The following LRMDA variants were observed in gnomAD, a reference collection of about 807,000 sequenced individuals.
LRMDA encodes the protein leucine-rich melanocyte differentiation-associated protein.
In LRMDA, 18 loss-of-function variants were observed where a neutral mutation model predicts 29.8. The observed-to-expected ratio is 0.60, with a 90% CI of 0.42 to 0.90. The LOEUF (loss-of-function observed/expected upper bound fraction) is 0.90, where lower values mean the gene tolerates loss of function less well. LRMDA is among the 40% of genes least tolerant of loss of function. LRMDA has a pLI of 0.00. For missense variants in LRMDA, 273 were observed against 273.9 expected (o/e 1.00, Z 0.02); for synonymous variants, 125 against 109.4 (o/e 1.14, Z -0.89).
chr10:75,663,953 G>A (rs1005225905), intron 2 of LRMDA, among the ~76,000 whole-genome samples: 6 of 152,154 alleles, frequency 3.9e-5, no homozygotes, highest in African/African-American at 1.4e-4. Context: ...GGGCCCATGT[G>A]TGTCTTTAAG....
intron 6 of LRMDA, among the ~76,000 whole-genome samples, chr10:76,518,113 A>T (rs1324110533): frequency 6.6e-6 from 1 of 151,942 alleles, no homozygotes; most frequent in Admixed American, 6.6e-5. Context: ...AGATGAAAAA[A>T]TAAATAAACC....
chr10:76,225,696 T>TTTTATTTATTTATTTATTTATTTA (rs141422770), intron 5 of LRMDA, among the ~76,000 whole-genome samples: 12 of 144,990 alleles, frequency 8.3e-5, no homozygotes, highest in African/African-American at 2.5e-4. Flanking sequence ...GGGTAATTTA[T>TTTTATTTATTTATTTATTTATTTA]TTTATTTATT....
chr10:76,019,110 C>T (rs755647655), intron 2 of LRMDA, among the ~76,000 whole-genome samples: 14 of 152,074 alleles, frequency 9.2e-5, no homozygotes, highest in Non-Finnish European at 2.1e-4. Context: ...ATTTAGACAG[C>T]AAATTTTATG....
chr10:76,368,575 G>A (rs1841418898), intron 6 of LRMDA, among the ~76,000 whole-genome samples: 1 of 152,122 alleles, frequency 6.6e-6, no homozygotes, highest in Non-Finnish European at 1.5e-5. Context: ...TGCGTATTGT[G>A]TGGTTGTTGG....
chr10:75,781,646 C>A (rs2132243272), intron 2 of LRMDA, among the ~76,000 whole-genome samples: 1 of 152,074 alleles, frequency 6.6e-6, no homozygotes, highest in Middle Eastern at 3.4e-3. Context: ...TTGCTGATAC[C>A]CCTCATGGAT....
chr10:75,689,274 A>G (rs1302644390), intron 2 of LRMDA, among the ~76,000 whole-genome samples: 1 of 152,246 alleles, frequency 6.6e-6, no homozygotes, highest in Non-Finnish European at 1.5e-5. Flanking sequence ...AGGCACAGTA[A>G]AAATAATTGC....
At chr10:75,825,725 C>T (rs921817413) in intron 2 of LRMDA, among the ~76,000 whole-genome samples, 26 of 152,176 alleles carry the variant, frequency 1.7e-4, no homozygotes, top group Non-Finnish European at 3.4e-4. Flanking sequence ...GATTACTATT[C>T]GAGTTGACAT....
intron 2 of LRMDA, among the ~76,000 whole-genome samples, chr10:75,882,950 G>A (rs760073282): frequency 2.0e-5 from 3 of 152,150 alleles, no homozygotes; most frequent in Non-Finnish European, 4.4e-5. Context: ...GACCAAGGCC[G>A]CACTTTCATT....
intron 6 of LRMDA, among the ~76,000 whole-genome samples, chr10:76,426,587 G>A: frequency 6.6e-6 from 1 of 152,174 alleles, no homozygotes; most frequent in Non-Finnish European, 1.5e-5. Flanking sequence ...GTTTTGCTGT[G>A]CAGAAGCTCT....
At chr10:76,126,205 A>T (rs75866236) in intron 5 of LRMDA, among the ~76,000 whole-genome samples, 102 of 152,336 alleles carry the variant, frequency 6.7e-4, no homozygotes, top group African/African-American at 2.4e-3. Flanking sequence ...GAGGTTGTTC[A>T]TGATGGAGCT....
chr10:75,592,831 T>C (rs1300606888), intron 2 of LRMDA, among the ~76,000 whole-genome samples: 1 of 152,204 alleles, frequency 6.6e-6, no homozygotes, highest in Non-Finnish European at 1.5e-5. Context: ...TCTTCAGAAA[T>C]AGTTTAGTCA....
intron 2 of LRMDA, among the ~76,000 whole-genome samples, chr10:75,445,175 C>A (rs1239826285): frequency 6.6e-6 from 1 of 152,168 alleles, no homozygotes; most frequent in Non-Finnish European, 1.5e-5. Flanking sequence ...AACTGCTGGG[C>A]TGAAGTGATC....
intron 6 of LRMDA, among the ~76,000 whole-genome samples, chr10:76,435,235 G>A (rs1221722185): frequency 1.3e-5 from 2 of 152,322 alleles, no homozygotes; most frequent in Non-Finnish European, 1.5e-5. Context: ...AGGCTCTGGA[G>A]GAGATGAAGT....
rs1480516684 is a variant in LRMDA, at chr10:75,754,247, G to C, written c.132-281761G>C. Among the ~76,000 whole-genome samples, 4 of 152,316 alleles carry C rather than the reference G, an allele frequency of 2.6e-5. No individual in the cohort carries two copies. The East Asian group carries it at 7.7e-4, about 29-fold the overall frequency. ...GAAGAGGTGGTTTTATAGGGGTCTTGTGGGCAGGGCAGATGGTGCTATTAA... is the reference window on the plus strand; with the variant it reads ...GAAGAGGTGGTTTTATAGGGGTCTTCTGGGCAGGGCAGATGGTGCTATTAA... On this transcript the variant is annotated intron_variant, in intron 2 of 6. Coordinates refer to ENST00000611255, the MANE Select transcript of LRMDA (RefSeq NM_001305581.2).
intron 2 of LRMDA, among the ~76,000 whole-genome samples, chr10:75,440,569 A>G (rs532026034): frequency 6.6e-6 from 1 of 152,206 alleles, no homozygotes; most frequent in South Asian, 2.1e-4. Context: ...GGACTGGATC[A>G]CCTTTGACCT....
intron 2 of LRMDA, among the ~76,000 whole-genome samples, chr10:75,515,716 A>G (rs1051949611): frequency 9.2e-5 from 14 of 151,734 alleles, no homozygotes; most frequent in Admixed American, 8.5e-4. Flanking sequence ...TTTTTTTTAA[A>G]TTATACTTTA....
At chr10:76,144,458 T>C (rs1850270939) in intron 5 of LRMDA, among the ~76,000 whole-genome samples, 1 of 152,134 alleles carries the variant, frequency 6.6e-6, no homozygotes, top group African/African-American at 2.4e-5. Flanking sequence ...GAAACAATTG[T>C]GAATGGGAGT....
At chr10:75,943,016 T>C (rs1001895447) in intron 2 of LRMDA, among the ~76,000 whole-genome samples, 1 of 151,862 alleles carries the variant, frequency 6.6e-6, no homozygotes, top group Admixed American at 6.5e-5. Flanking sequence ...ATGGGCCACT[T>C]TGTGGTCAGG....
chr10:76,455,900 G>A (rs1445420857), intron 6 of LRMDA, among the ~76,000 whole-genome samples: 1 of 152,100 alleles, frequency 6.6e-6, no homozygotes, highest in Non-Finnish European at 1.5e-5. Context: ...TGGCAGAGTC[G>A]GGTAGTAAGG....
Sources: allele counts gnomAD v4.1 joint callset (sites outside exome capture counted in the v4.1 genomes callset), GRCh38; gene constraint gnomAD v4.1.1; transcripts MANE v1.5; gene names NCBI Gene and HGNC (gene_info 2026-07-23, HGNC 2026-07-21).